Variants in CWF19L2 observed in about 807,000 individuals in gnomAD.
CWF19L2 encodes CWF19 like cell cycle control factor 2, also known as CWF19-like protein 2.
CWF19L2 carries 98 observed loss-of-function variants against 111.7 expected under a neutral mutation model. The observed-to-expected ratio is 0.88, with a 90% CI of 0.75 to 1.04. The LOEUF (loss-of-function observed/expected upper bound fraction) is 1.04. Ranked by LOEUF, CWF19L2 falls within the 50% of genes least tolerant of loss-of-function variation. The pLI, the probability that CWF19L2 is intolerant of heterozygous loss-of-function variation, is 0.00. For synonymous variants in CWF19L2, 351 were observed against 342.9 expected (o/e 1.02, Z -0.26); for missense variants, 1,101 against 1,051.4 (o/e 1.05, Z -0.65).
intron 10 of CWF19L2, among the ~76,000 whole-genome samples, chr11:107,400,087 C>T (rs893392881): frequency 4.7e-4 from 72 of 152,018 alleles, no homozygotes; most frequent in African/African-American, 1.6e-3. Flanking sequence ...GAGAAAAGTT[C>T]ATAGCCCTAA....
intron 14 of CWF19L2, among the ~76,000 whole-genome samples, chr11:107,338,928 A>G (rs1420723135): frequency 2.0e-5 from 3 of 152,198 alleles, no homozygotes; most frequent in Non-Finnish European, 2.9e-5. Flanking sequence ...CTTTGGGTAT[A>G]TACCCAGTAA....
At chr11:107,390,233 T>C in intron 11 of CWF19L2, 22 bp from the exon 12 acceptor site, 1 of 1,553,800 alleles carries the variant, frequency 6.4e-7, no homozygotes, top group Non-Finnish European at 8.7e-7. Flanking sequence ...TGAACATTAT[T>C]AATTTAATGA....
At chr11:107,382,626 A>G (rs1397820453) in intron 12 of CWF19L2, among the ~76,000 whole-genome samples, 1 of 152,240 alleles carries the variant, frequency 6.6e-6, no homozygotes, top group Non-Finnish European at 1.5e-5. Context: ...ATACTGGCAC[A>G]TCTATGGTAA....
At position 107,457,800 on chromosome 11, in the gene CWF19L2, G is replaced by A. The variant is rs1323491473; in HGVS notation, c.17C>T (p.Ala6Val). The change falls in exon 1 of 18, where the codon GCG becomes GTG. Residue 6 changes from alanine (A) to valine (V), a missense_variant. Physicochemically the swap from Ala to Val is moderately conservative, Grantham distance 64. Transcript: ENST00000282251. ...ACTTTCAAATCTACCACTAGCAGCC[G>A]CCATACTTGTTGCCATCGTAAAGCT... MATSMAAASGRFESAK... is the reference protein window; with the variant it reads MATSMVAASGRFESAK... 1.9e-6 allele frequency: 3 copies of A among 1,551,542 alleles called. No individual in the cohort carries two copies. The highest frequency in any genetic ancestry group is 2.6e-6 in the Non-Finnish European group (3 of 1,146,770).
At chr11:107,348,755 A>G (rs186905210) in intron 14 of CWF19L2, 182 bp downstream of exon 14, 6 of 371,708 alleles carry the variant, frequency 1.6e-5, no homozygotes, top group African/African-American at 4.2e-5. Flanking sequence ...TCTGGAGTAC[A>G]CAAGGGAAAT....
At chr11:107,438,046 T>C (rs12287922) in intron 6 of CWF19L2, among the ~76,000 whole-genome samples, 3,659 of 152,326 alleles carry the variant, frequency 0.024, 140 homozygotes, top group African/African-American at 0.083. Context: ...CCAATAACTT[T>C]AGTAAAATTG....
At chr11:107,373,599 C>T (rs1160036409) in intron 12 of CWF19L2, among the ~76,000 whole-genome samples, 6 of 126,018 alleles carry the variant, frequency 4.8e-5, no homozygotes, top group Admixed American at 7.6e-5. Flanking sequence ...GAAAGGACAT[C>T]CACACCAAAA....
chr11:107,408,141 T>C (rs185567532), intron 10 of CWF19L2, among the ~76,000 whole-genome samples: 1 of 152,152 alleles, frequency 6.6e-6, no homozygotes, highest in Admixed American at 6.5e-5. Flanking sequence ...AATACCTCCA[T>C]ATTTCTATAC....
In CWF19L2 at chr11:107,390,215, T is replaced by C. The variant is rs192949113; in HGVS notation, c.1735-4A>G. ...CTCTTTCCTCATGGGTTGAAACCTATGACAAAATGAACATTATTAATTTAA... is the reference window on the plus strand; with the variant it reads ...CTCTTTCCTCATGGGTTGAAACCTACGACAAAATGAACATTATTAATTTAA... On this transcript the variant is annotated splice_polypyrimidine_tract_variant and splice_region_variant and intron_variant, in intron 11 of 17. Coordinates refer to ENST00000282251, the MANE Select transcript of CWF19L2 (RefSeq NM_152434.3). 4 of 1,586,968 alleles carry C rather than the reference T, an allele frequency of 2.5e-6. No individual in the cohort carries two copies. Among genetic ancestry groups the C allele is most frequent in the African/African-American group, 1.4e-5 (1 of 73,742 alleles).
At chr11:107,448,826 T>A (rs1326093418) in intron 3 of CWF19L2, among the ~76,000 whole-genome samples, 1 of 152,096 alleles carries the variant, frequency 6.6e-6, no homozygotes, top group Non-Finnish European at 1.5e-5. Flanking sequence ...AGACACAAAG[T>A]CTACCAGCGC....
At chr11:107,404,148 T>G in intron 10 of CWF19L2, 1 of 775,886 alleles carries the variant, frequency 1.3e-6, no homozygotes, top group South Asian at 1.3e-5. Context: ...AAGCAGCTTC[T>G]GCACGATTTT....
intron 3 of CWF19L2, among the ~76,000 whole-genome samples, chr11:107,445,023 G>A (rs1254035051): frequency 2.6e-5 from 4 of 152,070 alleles, no homozygotes; most frequent in Non-Finnish European, 4.4e-5. Flanking sequence ...ACTAAGAAAT[G>A]GGAAGGCATT....
intron 6 of CWF19L2, among the ~76,000 whole-genome samples, chr11:107,434,672 CAAAAAAA>C (rs71044301): frequency 1.2e-4 from 14 of 115,818 alleles, no homozygotes; most frequent in Admixed American, 7.1e-4. Context: ...TATTACACAG[CAAAAAAA>C]AAAAAAAAAA....
chr11:107,456,217 T>C (rs1419386662), intron 1 of CWF19L2, among the ~76,000 whole-genome samples: 1 of 152,128 alleles, frequency 6.6e-6, no homozygotes, highest in Non-Finnish European at 1.5e-5. Context: ...AAGAATCATC[T>C]CTGTATAAAG....
intron 17 of CWF19L2, among the ~76,000 whole-genome samples, chr11:107,328,633 A>G (rs1283394179): frequency 1.3e-5 from 2 of 152,216 alleles, no homozygotes; most frequent in African/African-American, 2.4e-5. Flanking sequence ...TGCATGAATA[A>G]TATGTGAAGA....
rs1255722043 is a variant in CWF19L2, at chr11:107,428,965, CA to C, written c.1266del (p.Asp423MetfsTer37). 2 of 1,613,474 alleles carry C rather than the reference CA, an allele frequency of 1.2e-6. No individual in the cohort carries two copies. Among genetic ancestry groups the C allele is most frequent in the African/African-American group, 2.7e-5 (2 of 74,850 alleles). On this transcript the variant is annotated frameshift_variant, in exon 8 of 18. Transcript: ENST00000282251. LOFTEE classifies it high-confidence loss of function. ...SEERLTSWSRSDGRGDKKHSN... is the reference protein window; with the variant it reads ...SEERLTSWSRXDGRGDKKHSN... Reference sequence around the variant, plus strand: ...GAATGTTTCTTGTCTCCTCTCCCATCAGAGCGACTCCATGATGTTAATCTTT... The same window carrying C: ...GAATGTTTCTTGTCTCCTCTCCCATCGAGCGACTCCATGATGTTAATCTTT...
chr11:107,406,552 T>C (rs1243834309), intron 10 of CWF19L2, among the ~76,000 whole-genome samples: 1 of 152,192 alleles, frequency 6.6e-6, no homozygotes, highest in South Asian at 2.1e-4. Context: ...GGACTGCATC[T>C]GCCCAAAGGA....
intron 6 of CWF19L2, among the ~76,000 whole-genome samples, chr11:107,437,398 T>A (rs1002686315): frequency 1.3e-5 from 2 of 152,150 alleles, no homozygotes; most frequent in African/African-American, 4.8e-5. Flanking sequence ...CTATGTCACC[T>A]CTACCTCCTT....
intron 13 of CWF19L2, among the ~76,000 whole-genome samples, 180 bp downstream of exon 13, chr11:107,353,344 T>C (rs921945485): frequency 4.6e-5 from 7 of 152,306 alleles, no homozygotes; most frequent in Middle Eastern, 3.4e-3. Context: ...CAGGGCTAGA[T>C]GCTTTGTATA....
Sources: gnomAD v4.1 joint callset for allele counts (sites outside exome capture counted in the v4.1 genomes callset) on GRCh38, gnomAD v4.1.1 for gene constraint, MANE v1.5 for transcripts, NCBI Gene and HGNC (gene_info 2026-07-23, HGNC 2026-07-21) for gene names.